Variants in SPSB4 observed in about 807,000 individuals in gnomAD.
SPSB4 encodes the protein splA/ryanodine receptor domain and SOCS box containing 4.
Under a neutral mutation model 20.9 loss-of-function variants are expected in SPSB4, and 21 were observed. The ratio of observed to expected loss-of-function variants is 1.01; its 90% CI spans 0.71 to 1.45. The LOEUF (loss-of-function observed/expected upper bound fraction) is 1.45, where lower values mean the gene tolerates loss of function less well. Ranked by LOEUF, SPSB4 falls within the 40% of genes most tolerant of loss-of-function variation. The probability of loss-of-function intolerance (pLI) is 0.00; values close to 1 mark genes in which losing one functional copy is unlikely to be tolerated. For missense variants in SPSB4, 399 were observed against 399.2 expected (o/e 1.00, Z 0.00); for synonymous variants, 207 against 183.8 (o/e 1.13, Z -1.02).
chr3:141,139,170 T>G (rs536858997), intron 2 of SPSB4, among the ~76,000 whole-genome samples: 2 of 152,308 alleles, frequency 1.3e-5, no homozygotes, highest in African/African-American at 4.8e-5. Flanking sequence ...CTGCCTTTTT[T>G]TATTTTCCAT....
chr3:141,087,772 G>A (rs1041318007), intron 2 of SPSB4, among the ~76,000 whole-genome samples: 4 of 152,228 alleles, frequency 2.6e-5, no homozygotes, highest in African/African-American at 7.2e-5. Flanking sequence ...CAGGGCAGAG[G>A]AGGAATGGGA....
rs551892192 is a variant in SPSB4 at position 141,092,864 on chromosome 3, G to A, written c.694+26066G>A. The stretch of plus-strand genomic sequence containing the variant: ...AGGAGGGACTGCTCTCCCATTTTAC[G>A]AGGCTCAGAGGGGTGAAGTGACATG... On this transcript the variant is annotated intron_variant, in intron 2 of 2. Coordinates refer to ENST00000310546, the MANE Select transcript of SPSB4 (RefSeq NM_080862.3). 2.3e-3 allele frequency among the ~76,000 whole-genome samples: 346 copies of A among 152,348 alleles called. 1 individual carries two copies. The highest frequency in any genetic ancestry group is 8.0e-3 in the African/African-American group (334 of 41,570).
intron 2 of SPSB4, among the ~76,000 whole-genome samples, chr3:141,141,090 A>T (rs1210024981): frequency 6.6e-6 from 1 of 152,222 alleles, no homozygotes; most frequent in African/African-American, 2.4e-5. Context: ...CTGCTGTGCT[A>T]GCAATGAGTG....
At chr3:141,069,291 G>T (rs1937948534) in intron 2 of SPSB4, among the ~76,000 whole-genome samples, 1 of 152,198 alleles carries the variant, frequency 6.6e-6, no homozygotes, top group African/African-American at 2.4e-5. Flanking sequence ...AGAAGCTGCA[G>T]TGGAGTCTCG....
At chr3:141,131,266 T>C (rs183635072) in intron 2 of SPSB4, among the ~76,000 whole-genome samples, 2 of 152,288 alleles carry the variant, frequency 1.3e-5, no homozygotes, top group African/African-American at 4.8e-5. Context: ...TCCTTCCCCC[T>C]ACTTTTTCCC....
At chr3:141,120,078 T>A (rs1271694009) in intron 2 of SPSB4, among the ~76,000 whole-genome samples, 2 of 152,202 alleles carry the variant, frequency 1.3e-5, no homozygotes, top group Non-Finnish European at 2.9e-5. Context: ...CTCTACACAC[T>A]GCTTTAAATG....
At chr3:141,114,587 G>A (rs561163215) in intron 2 of SPSB4, among the ~76,000 whole-genome samples, 27 of 152,318 alleles carry the variant, frequency 1.8e-4, no homozygotes, top group African/African-American at 6.5e-4. Flanking sequence ...ACCGTGGCCA[G>A]CCTGGGCACA....
At chr3:141,144,854 G>A (rs1006297471) in intron 2 of SPSB4, among the ~76,000 whole-genome samples, 3 of 152,166 alleles carry the variant, frequency 2.0e-5, no homozygotes, top group Non-Finnish European at 4.4e-5. Flanking sequence ...TGTGCCTAGG[G>A]CATTAAAGTG....
chr3:141,135,683 T>TA (rs1442180325), intron 2 of SPSB4, among the ~76,000 whole-genome samples: 1 of 152,218 alleles, frequency 6.6e-6, no homozygotes, highest in Non-Finnish European at 1.5e-5. Context: ...CATCATTTTT[T>TA]ATGGCTGCAT....
intron 2 of SPSB4, among the ~76,000 whole-genome samples, chr3:141,105,464 C>T (rs1296163465): frequency 6.6e-6 from 1 of 152,246 alleles, no homozygotes; most frequent in Non-Finnish European, 1.5e-5. Context: ...TTATGCCAAG[C>T]ATTCCACTAG....
chr3:141,111,479 T>C (rs760054505), intron 2 of SPSB4, among the ~76,000 whole-genome samples: 2 of 141,128 alleles, frequency 1.4e-5, no homozygotes, highest in African/African-American at 2.6e-5. Flanking sequence ...GCCCAGCACA[T>C]AGTGAGCGCT....
intron 2 of SPSB4, among the ~76,000 whole-genome samples, chr3:141,146,647 G>A (rs1939417106): frequency 6.6e-6 from 1 of 151,998 alleles, no homozygotes; most frequent in Non-Finnish European, 1.5e-5. Context: ...GGTGGCGGGT[G>A]CCTGTAGTCC....
intron 1 of SPSB4, among the ~76,000 whole-genome samples, chr3:141,056,278 G>A (rs140455554): frequency 8.5e-5 from 13 of 152,320 alleles, no homozygotes; most frequent in African/African-American, 3.1e-4. Flanking sequence ...CGGTTTACTG[G>A]CCACAGAGAC....
intron 2 of SPSB4, among the ~76,000 whole-genome samples, chr3:141,107,087 G>A (rs759896136): frequency 6.6e-6 from 1 of 152,220 alleles, no homozygotes; most frequent in Admixed American, 6.5e-5. Context: ...GTGGCCACTG[G>A]ACTGGAATGT....
At chr3:141,095,492 T>C (rs956905061) in intron 2 of SPSB4, among the ~76,000 whole-genome samples, 2 of 152,062 alleles carry the variant, frequency 1.3e-5, no homozygotes, top group Non-Finnish European at 1.5e-5. Context: ...GACTTGGTGT[T>C]GTCAAAAGTC....
chr3:141,081,714 C>T (rs1013004848), intron 2 of SPSB4, among the ~76,000 whole-genome samples: 2 of 152,070 alleles, frequency 1.3e-5, no homozygotes, highest in Non-Finnish European at 2.9e-5. Flanking sequence ...AGCTCTGTGT[C>T]CTTGGGGACG....
At chr3:141,073,983 T>C (rs919096151) in intron 2 of SPSB4, among the ~76,000 whole-genome samples, 3 of 152,216 alleles carry the variant, frequency 2.0e-5, no homozygotes, top group East Asian at 3.9e-4. Context: ...GTGGCCCTTC[T>C]TTGAAGGAGG....
intron 2 of SPSB4, chr3:141,132,170 C>A: frequency 2.3e-6 from 1 of 432,218 alleles, no homozygotes; most frequent in South Asian, 1.6e-5. Flanking sequence ...TCCATTATAT[C>A]TTTGTTTTTT....
At chr3:141,134,056 C>CTTTTTTTTTT (rs1222303281) in intron 2 of SPSB4, among the ~76,000 whole-genome samples, 8 of 61,632 alleles carry the variant, frequency 1.3e-4, no homozygotes, top group African/African-American at 2.9e-4. Context: ...TTTCTTTTTT[C>CTTTTTTTTTT]TTTTTTTTTT....
Sources: allele counts gnomAD v4.1 joint callset (sites outside exome capture counted in the v4.1 genomes callset), GRCh38; gene constraint gnomAD v4.1.1; transcripts MANE v1.5; gene names NCBI Gene and HGNC (gene_info 2026-07-23, HGNC 2026-07-21).